SIK3: variants seen among roughly 807,000 people sequenced by gnomAD.
SIK3 encodes the protein serine/threonine-protein kinase SIK3.
SIK3 carries 28 observed loss-of-function variants against 144.2 expected under a neutral mutation model. The ratio of observed to expected loss-of-function variants is 0.19; its 90% CI spans 0.14 to 0.27. The LOEUF is 0.27. Ranked by LOEUF, SIK3 falls within the 10% of genes least tolerant of loss-of-function variation. SIK3 has a pLI of 1.00. For synonymous variants in SIK3, 686 were observed against 676.3 expected, an observed-to-expected ratio of 1.01 and a Z score of -0.22; for missense variants, 1,319 against 1,776.0, an observed-to-expected ratio of 0.74 and a Z score of 4.62.
At chr11:116,868,160 A>G in intron 14 of SIK3, 71 bp from the exon 15 acceptor site, 1 of 1,538,358 alleles carries the variant, frequency 6.5e-7, no homozygotes, top group Non-Finnish European at 8.8e-7. Context: ...GAAGCATTAG[A>G]AGTTAATCCA....
At chr11:117,083,076 A>G (rs1485492985) in intron 1 of SIK3, among the ~76,000 whole-genome samples, 1 of 152,194 alleles carries the variant, frequency 6.6e-6, no homozygotes, top group African/African-American at 2.4e-5. Flanking sequence ...GTGACTCCAA[A>G]ATGGATGCGT....
chr11:116,934,514 A>C (rs1261713565), intron 3 of SIK3, among the ~76,000 whole-genome samples: 1 of 152,234 alleles, frequency 6.6e-6, no homozygotes, highest in Non-Finnish European at 1.5e-5. Flanking sequence ...GTCTCTTCCA[A>C]ATAAACTAAA....
At chr11:117,013,902 G>GT (rs1565556479) in intron 1 of SIK3, among the ~76,000 whole-genome samples, 4,314 of 60,558 alleles carry the variant, frequency 0.071, 539 homozygotes, top group African/African-American at 0.15. Context: ...GATTCTGAGG[G>GT]GGGGGGGGGG....
chr11:116,893,513 C>T (rs571669900), intron 6 of SIK3, among the ~76,000 whole-genome samples: 1 of 148,114 alleles, frequency 6.8e-6, no homozygotes, highest in African/African-American at 2.6e-5. Flanking sequence ...CCCATCTCTA[C>T]CAAAAAAAAA....
chr11:116,971,961 G>A (rs1048028464), intron 1 of SIK3, among the ~76,000 whole-genome samples: 8 of 151,872 alleles, frequency 5.3e-5, no homozygotes, highest in South Asian at 4.1e-4. Flanking sequence ...GGTGGCACGC[G>A]CCTGTAATCC....
intron 1 of SIK3, among the ~76,000 whole-genome samples, chr11:117,062,332 C>T (rs879915306): frequency 4.6e-5 from 7 of 152,148 alleles, no homozygotes; most frequent in Non-Finnish European, 8.8e-5. Context: ...TATATTCTCA[C>T]GTTATCCAAA....
At chr11:117,085,304 G>A (rs1954957374) in intron 1 of SIK3, among the ~76,000 whole-genome samples, 2 of 152,034 alleles carry the variant, frequency 1.3e-5, no homozygotes, top group South Asian at 2.1e-4. Context: ...TTTTTTGGTA[G>A]AGATGGGGCC....
At chr11:117,019,433 T>C (rs913279268) in intron 1 of SIK3, among the ~76,000 whole-genome samples, 2 of 152,166 alleles carry the variant, frequency 1.3e-5, no homozygotes, top group African/African-American at 4.8e-5. Flanking sequence ...AATGAAGAAA[T>C]GTGAAGCCTC....
chr11:116,959,206 T>C (rs1032412970), intron 1 of SIK3, among the ~76,000 whole-genome samples: 5 of 152,062 alleles, frequency 3.3e-5, no homozygotes, highest in Non-Finnish European at 7.4e-5. Flanking sequence ...TGGTAGCATG[T>C]GTCTGTAGTC....
intron 1 of SIK3, among the ~76,000 whole-genome samples, chr11:116,962,775 A>G (rs1949393396): frequency 6.6e-6 from 1 of 152,172 alleles, no homozygotes; most frequent in African/African-American, 2.4e-5. Flanking sequence ...ATAGTAATAT[A>G]AAAAAGAATT....
chr11:116,897,343 G>C (rs377453379), intron 4 of SIK3, 26 bp from the exon 5 acceptor site: 3 of 1,604,358 alleles, frequency 1.9e-6, no homozygotes, highest in East Asian at 2.2e-5. Flanking sequence ...GACATAATTC[G>C]TATTATTGTA....
chr11:116,894,320 G>A (rs1366747761), intron 6 of SIK3, among the ~76,000 whole-genome samples: 1 of 152,118 alleles, frequency 6.6e-6, no homozygotes, highest in Non-Finnish European at 1.5e-5. Flanking sequence ...TCTATACACT[G>A]GGGATTCCAA....
At chr11:116,992,314 G>GCCCC (rs1337896123) in intron 1 of SIK3, among the ~76,000 whole-genome samples, 3 of 115,300 alleles carry the variant, frequency 2.6e-5, no homozygotes, top group Non-Finnish European at 5.2e-5. Context: ...AACAGAGCAA[G>GCCCC]ACCCCCCCCC....
chr11:117,046,742 C>T (rs980487537), intron 1 of SIK3, among the ~76,000 whole-genome samples: 12 of 151,992 alleles, frequency 7.9e-5, no homozygotes, highest in Non-Finnish European at 1.5e-4. Context: ...TAGTCACACA[C>T]GGTGGTACTC....
intron 1 of SIK3, among the ~76,000 whole-genome samples, chr11:117,030,494 GAC>G (rs1257457097): frequency 1.3e-5 from 2 of 152,048 alleles, no homozygotes; most frequent in Non-Finnish European, 1.5e-5. Flanking sequence ...AAAAAAGCAA[GAC>G]ACAACTGCAT....
Position 116,863,587 on chromosome 11 carries a change from C to G in SIK3, c.2103+81G>C, listed in dbSNP as rs370221689. 2.3e-5 allele frequency: 36 copies of G among 1,582,682 alleles called. No individual in the cohort carries two copies. The East Asian group carries it at 5.4e-4, about 24-fold the overall frequency. ...CAATGTTGCTGACATAAAAGGGGTA[C>G]GTTTACCACCCCAGTCCTCCTGCAA... On this transcript the variant is annotated intron_variant, in intron 16 of 24. Coordinates refer to ENST00000445177, the MANE Select transcript of SIK3 (RefSeq NM_001366686.3).
At chr11:117,067,458 C>G (rs531974977) in intron 1 of SIK3, among the ~76,000 whole-genome samples, 1 of 152,002 alleles carries the variant, frequency 6.6e-6, no homozygotes, top group Middle Eastern at 3.4e-3. Context: ...ATATGAAATT[C>G]CAGAAAAAGC....
At chr11:116,911,976 C>A (rs1279161184) in intron 4 of SIK3, among the ~76,000 whole-genome samples, 2 of 152,188 alleles carry the variant, frequency 1.3e-5, no homozygotes, top group Non-Finnish European at 2.9e-5. Flanking sequence ...GATACGCACA[C>A]CTACACAACA....
intron 1 of SIK3, among the ~76,000 whole-genome samples, chr11:117,097,914 T>C (rs1955551801): frequency 6.6e-6 from 1 of 150,852 alleles, no homozygotes; most frequent in Admixed American, 6.6e-5. Flanking sequence ...GCCCGGCTCC[T>C]GGGCGCCGGT....
Sources: gnomAD v4.1 joint callset for allele counts (sites outside exome capture counted in the v4.1 genomes callset) on GRCh38, gnomAD v4.1.1 for gene constraint, MANE v1.5 for transcripts, NCBI Gene and HGNC (gene_info 2026-07-23, HGNC 2026-07-21) for gene names.